The following ARFGEF3 variants were observed in gnomAD, a reference collection of about 807,000 sequenced individuals.
ARFGEF3 encodes brefeldin A-inhibited guanine nucleotide-exchange protein 3.
ARFGEF3 carries 96 observed loss-of-function variants against 221.7 expected under a neutral mutation model. The observed-to-expected ratio is 0.43, with a 90% CI of 0.37 to 0.51. The LOEUF (loss-of-function observed/expected upper bound fraction) is 0.51, where lower values mean the gene tolerates loss of function less well. ARFGEF3 is among the 20% of genes least tolerant of loss of function. The pLI, the probability that ARFGEF3 is intolerant of heterozygous loss-of-function variation, is 0.00. For missense variants in ARFGEF3, 2,410 were observed against 2,789.9 expected (o/e 0.86, Z 3.07); for synonymous variants, 1,145 against 1,126.8 (o/e 1.02, Z -0.32).
chr6:138,191,152 GCCGCTT>G, intron 2 of ARFGEF3, among the ~76,000 whole-genome samples: 1 of 152,126 alleles, frequency 6.6e-6, no homozygotes, highest in South Asian at 2.1e-4. Context: ...TCCTTTCCAT[GCCGCTT>G]CCTCTTGAGC....
intron 17 of ARFGEF3, among the ~76,000 whole-genome samples, chr6:138,288,525 TAAAAAATAC>T (rs764820523): frequency 6.6e-5 from 10 of 151,762 alleles, no homozygotes; most frequent in Admixed American, 1.3e-4. Context: ...CCGTCTCTAC[TAAAAAATAC>T]AAAAATTAGC....
chr6:138,267,922 TG>T (rs1393565858), intron 12 of ARFGEF3, among the ~76,000 whole-genome samples: 1 of 152,252 alleles, frequency 6.6e-6, no homozygotes, highest in Non-Finnish European at 1.5e-5. Context: ...GTAATTTAGT[TG>T]TAGGTCTATT....
At chr6:138,238,778 T>G in intron 6 of ARFGEF3, 147 bp downstream of exon 6, 1 of 659,602 alleles carries the variant, frequency 1.5e-6, no homozygotes, top group Non-Finnish European at 2.5e-6. Flanking sequence ...TTTGTACACA[T>G]TAAGCTCTTT....
intron 10 of ARFGEF3, among the ~76,000 whole-genome samples, chr6:138,257,738 T>C (rs1165309542): frequency 6.6e-6 from 1 of 152,208 alleles, no homozygotes; most frequent in Admixed American, 6.5e-5. Flanking sequence ...AGCCTGAGTT[T>C]AAGAGTCAGG....
intron 5 of ARFGEF3, among the ~76,000 whole-genome samples, chr6:138,230,625 T>C (rs1778174054): frequency 6.6e-6 from 1 of 152,248 alleles, no homozygotes; most frequent in African/African-American, 2.4e-5. Flanking sequence ...TATTAGCAGA[T>C]ACATGTGCTT....
rs552512902 is a variant in ARFGEF3 at position 138,228,340 on chromosome 6, A to G, written c.352-1444A>G. The stretch of plus-strand genomic sequence containing the variant: ...TACAGGCAACCACCACCACACCTGG[A>G]TAATTTTTTTTTTTTTTTGTATTTT... On this transcript the variant is annotated intron_variant, in intron 4 of 33. Transcript: ENST00000251691. Among the ~76,000 whole-genome samples the G allele has an allele frequency of 2.7e-3, 390 of 146,448 alleles. 2 individuals carry two copies. The highest frequency in any genetic ancestry group is 1.0e-2 in the African/African-American group (374 of 37,578).
intron 1 of ARFGEF3, among the ~76,000 whole-genome samples, chr6:138,168,148 A>G (rs568930051): frequency 6.6e-6 from 1 of 152,342 alleles, no homozygotes; most frequent in African/African-American, 2.4e-5. Context: ...AAAACATGCA[A>G]AAAGATCCAA....
intron 2 of ARFGEF3, among the ~76,000 whole-genome samples, chr6:138,200,224 A>G (rs1343170179): frequency 6.6e-6 from 1 of 152,178 alleles, no homozygotes; most frequent in Non-Finnish European, 1.5e-5. Flanking sequence ...CTGGTATGAA[A>G]CCCACTTGAT....
At chr6:138,326,634 A>G (rs1351990938) in intron 31 of ARFGEF3, among the ~76,000 whole-genome samples, 1 of 152,324 alleles carries the variant, frequency 6.6e-6, no homozygotes, top group African/African-American at 2.4e-5. Flanking sequence ...GGTCGTAGAG[A>G]AAAAGTAACG....
chr6:138,210,791 G>T (rs1481284836), intron 4 of ARFGEF3, among the ~76,000 whole-genome samples: 1 of 152,172 alleles, frequency 6.6e-6, no homozygotes, highest in Non-Finnish European at 1.5e-5. Context: ...AAATATTCAG[G>T]AATAGTTGGT....
intron 2 of ARFGEF3, among the ~76,000 whole-genome samples, chr6:138,198,795 T>A (rs1777480144): frequency 6.6e-6 from 1 of 152,188 alleles, no homozygotes; most frequent in Non-Finnish European, 1.5e-5. Flanking sequence ...AATAAGAAAG[T>A]TCACATTATT....
chr6:138,266,701 T>A (rs1213633428), intron 12 of ARFGEF3, among the ~76,000 whole-genome samples: 1 of 151,590 alleles, frequency 6.6e-6, no homozygotes, highest in Admixed American at 6.6e-5. Context: ...TACAAAAAAT[T>A]AGCTGGGCGT....
chr6:138,175,820 G>A (rs919090048), intron 2 of ARFGEF3, among the ~76,000 whole-genome samples: 4 of 152,208 alleles, frequency 2.6e-5, no homozygotes, highest in South Asian at 2.1e-4. Context: ...TCCTGACAAC[G>A]TGTCTAATGC....
At chr6:138,277,429 A>G (rs1170458368) in intron 12 of ARFGEF3, among the ~76,000 whole-genome samples, 1 of 152,192 alleles carries the variant, frequency 6.6e-6, no homozygotes, top group Non-Finnish European at 1.5e-5. Flanking sequence ...TGCAGTGAAC[A>G]CTGATGTACA....
chr6:138,296,579 C>T (rs1181231303), intron 20 of ARFGEF3, among the ~76,000 whole-genome samples: 1 of 152,120 alleles, frequency 6.6e-6, no homozygotes, highest in Non-Finnish European at 1.5e-5. Context: ...TTGATCATAC[C>T]TGTCACGTCC....
At chr6:138,218,913 C>T (rs1242028599) in intron 4 of ARFGEF3, among the ~76,000 whole-genome samples, 1 of 151,974 alleles carries the variant, frequency 6.6e-6, no homozygotes, top group Non-Finnish European at 1.5e-5. Flanking sequence ...AAAAATAAGT[C>T]GTGGAACTTT....
chr6:138,199,915 G>A (rs752285565), intron 2 of ARFGEF3, among the ~76,000 whole-genome samples: 1 of 152,134 alleles, frequency 6.6e-6, no homozygotes, highest in Non-Finnish European at 1.5e-5. Flanking sequence ...GTACTATGTT[G>A]AAGAGGAGTG....
At chr6:138,218,576 G>T in intron 4 of ARFGEF3, 1 of 1,100,386 alleles carries the variant, frequency 9.1e-7, no homozygotes, top group Non-Finnish European at 1.2e-6. Context: ...CTACGAGGTA[G>T]AGTTTTATGA....
chr6:138,207,091 A>G lies in ARFGEF3; in HGVS notation c.187A>G (p.Lys63Glu), dbSNP rs1445761295. ...GTTGGCTTTGGAATCCAAGAATGTG[A>G]AGCTGGCCCAACATGCTTTGGCAGG... ...LQLALESKNVKLAQHALAGMQ... is the reference protein window; with the variant it reads ...LQLALESKNVELAQHALAGMQ... The change falls in exon 3 of 34, where the codon AAG becomes GAG. Residue 63 changes from lysine to glutamate, a missense_variant. This residue lies in a region of ARFGEF3 where 570 missense variants were observed against 586.9 expected (regional missense o/e 0.97). Coordinates refer to ENST00000251691, the MANE Select transcript of ARFGEF3 (RefSeq NM_020340.5). 6.2e-7 allele frequency: 1 copy of G among 1,611,428 alleles called. No individual in the cohort carries two copies. The highest frequency in any genetic ancestry group is 8.5e-7 in the Non-Finnish European group (1 of 1,179,030).
Sources: allele counts gnomAD v4.1 joint callset (sites outside exome capture counted in the v4.1 genomes callset), GRCh38; gene constraint gnomAD v4.1.1; regional missense constraint gnomAD v4.1.1; transcripts MANE v1.5; gene names NCBI Gene and HGNC (gene_info 2026-07-23, HGNC 2026-07-21).